The following SLC35E4 variants were observed in gnomAD, a reference collection of about 807,000 sequenced individuals.
SLC35E4 encodes the protein solute carrier family 35, member E4.
Under a neutral mutation model 19.3 loss-of-function variants are expected in SLC35E4, and 15 were observed. The observed-to-expected ratio is 0.78, with a 90% CI of 0.52 to 1.20. The LOEUF is 1.20. Ranked by LOEUF, SLC35E4 falls within the 50% of genes most tolerant of loss-of-function variation. The pLI, the probability that SLC35E4 is intolerant of heterozygous loss-of-function variation, is 0.00. For missense variants in SLC35E4, 406 were observed against 472.3 expected (o/e 0.86, Z 1.30); for synonymous variants, 219 against 219.9 (o/e 1.00, Z 0.04).
chr22:30,636,419 GC>G lies in SLC35E4; in HGVS notation c.-29del. 1 of 1,449,880 alleles carries G rather than the reference GC, an allele frequency of 6.9e-7. No individual in the cohort carries two copies. The allele number at this position is 1,449,880 out of a possible 1,614,324, so 89.8% of individuals were successfully genotyped here. On this transcript the variant is annotated 5_prime_UTR_variant, in exon 1 of 2. Transcript: ENST00000343605. The stretch of plus-strand genomic sequence containing the variant: ...GTGGCCCAGAGGTCGTCACTGGGGA[GC>G]CCGCCTCCTGCCCTAGCCTCACTGG...
intron 2 of SLC35E4, among the ~76,000 whole-genome samples, chr22:30,656,311 G>C (rs1322939547): frequency 6.6e-6 from 1 of 152,080 alleles, no homozygotes; most frequent in Non-Finnish European, 1.5e-5. Flanking sequence ...CCCAGGATAG[G>C]AAAGCAGGGC....
chr22:30,638,162 C>G (rs141255493), intron 1 of SLC35E4, among the ~76,000 whole-genome samples: 1 of 151,064 alleles, frequency 6.6e-6, no homozygotes, highest in Non-Finnish European at 1.5e-5. Context: ...ACCAGGAGTT[C>G]GAGACCACCC....
At chr22:30,646,263 C>T (rs1281981681) in intron 1 of SLC35E4, among the ~76,000 whole-genome samples, 2 of 152,172 alleles carry the variant, frequency 1.3e-5, no homozygotes, top group East Asian at 1.9e-4. Context: ...GAGCATTTCC[C>T]ATTTAAGGGC....
chr22:30,646,784 AC>A lies in SLC35E4; in HGVS notation c.808del (p.Leu270TrpfsTer119). On this transcript the variant is annotated frameshift_variant, in exon 2 of 2. Coordinates refer to ENST00000343605, the MANE Select transcript of SLC35E4 (RefSeq NM_001001479.4). LOFTEE classifies it high-confidence loss of function. ...LLSCLLSVLY[N>X]LASFSLLALT... is the part of the protein sequence containing the mutation. Reference sequence around the variant, plus strand: ...AGCTGCCTCCTGTCTGTTCTCTATAACCTGGCCAGCTTCTCCCTGCTGGCCC... The same window carrying A: ...AGCTGCCTCCTGTCTGTTCTCTATAACTGGCCAGCTTCTCCCTGCTGGCCC... 1 of 1,613,880 alleles carries A rather than the reference AC, an allele frequency of 6.2e-7. No homozygotes were observed. The highest frequency in any genetic ancestry group is 1.3e-5 in the African/African-American group (1 of 74,924).
downstream of SLC35E4, among the ~76,000 whole-genome samples, chr22:30,651,473 T>G (rs2088222182): frequency 7.9e-6 from 1 of 126,106 alleles, no homozygotes; most frequent in African/African-American, 3.0e-5. Context: ...AGAGATGGGG[T>G]TTCACCATGT....
chr22:30,651,393 GTGTGTGTATATATATATATA>G (rs1475976619), downstream of SLC35E4, among the ~76,000 whole-genome samples: 2 of 49,368 alleles, frequency 4.1e-5, no homozygotes, highest in African/African-American at 2.7e-4. Flanking sequence ...GTGTGTGTGT[GTGTGTGTATATATATATATA>G]TATATATATA....
At chr22:30,663,580 G>A (rs763517501), downstream of SLC35E4, 41 of 1,614,076 alleles carry the variant, frequency 2.5e-5, no homozygotes, top group Non-Finnish European at 3.0e-5. Flanking sequence ...CTGTTGGGTC[G>A]GATGATGGGC....
Position 30,636,376 on chromosome 22 carries a change from C to A in SLC35E4, c.-75C>A. On this transcript the variant is annotated 5_prime_UTR_variant, in exon 1 of 2. Transcript: ENST00000343605. ...CGGAGGAACCAGGATCTAGCCTGGC[C>A]CCAAGCGGAACTCTCTGGTGGCCCA... The A allele has an allele frequency of 7.0e-7, 1 of 1,432,536 alleles. No homozygotes were observed. Among genetic ancestry groups the A allele is most frequent in the Non-Finnish European group, 9.1e-7 (1 of 1,094,618 alleles). The allele number at this position is 1,432,536 out of a possible 1,614,324, so 88.7% of individuals were successfully genotyped here. A position where few individuals can be genotyped will look rare whatever the true frequency, so the allele number is the denominator to read the frequency against.
chr22:30,644,523 T>C (rs947283144), intron 1 of SLC35E4, among the ~76,000 whole-genome samples: 4 of 152,138 alleles, frequency 2.6e-5, no homozygotes, highest in African/African-American at 7.2e-5. Context: ...AGCAGATTGC[T>C]TGAGTCTAGG....
intron 2 of SLC35E4, chr22:30,654,583 G>T (rs1350812625): frequency 6.5e-6 from 3 of 459,666 alleles, no homozygotes; most frequent in Admixed American, 2.4e-5. Context: ...TGCGGCTGGG[G>T]ACCCGGAAGT....
chr22:30,651,421 ATATATATTTTTTTTTTTTTTTT>A (rs2088216399), downstream of SLC35E4, among the ~76,000 whole-genome samples: 4 of 53,248 alleles, frequency 7.5e-5, no homozygotes, highest in East Asian at 7.7e-4. Context: ...ATATATATAT[ATATATATTTTTTTTTTTTTTTT>A]TTTTTTTTTT....
At chr22:30,664,385 GGGGT>G (rs2088578481), downstream of SLC35E4, among the ~76,000 whole-genome samples, 1 of 152,216 alleles carries the variant, frequency 6.6e-6, no homozygotes, top group Non-Finnish European at 1.5e-5. Flanking sequence ...CCTCCCTTGA[GGGGT>G]CCCACAGCTC....
intron 2 of SLC35E4, among the ~76,000 whole-genome samples, chr22:30,653,624 T>C (rs865880149): frequency 4.0e-5 from 6 of 149,922 alleles, no homozygotes; most frequent in Admixed American, 2.7e-4. Context: ...CCGCCCCCCC[T>C]CGGCCTCCCA....
At chr22:30,664,360 G>A (rs1329109969), downstream of SLC35E4, among the ~76,000 whole-genome samples, 3 of 152,228 alleles carry the variant, frequency 2.0e-5, no homozygotes, top group Non-Finnish European at 4.4e-5. Flanking sequence ...AAGTCCCCAA[G>A]TCTGGCACTT....
chr22:30,656,839 G>T lies in SLC35E4; in HGVS notation c.*9-5221G>T, dbSNP rs142336367. Among the ~76,000 whole-genome samples the T allele has an allele frequency of 1.6e-3, 251 of 152,304 alleles. 1 individual carries two copies. The highest frequency in any genetic ancestry group is 5.9e-3 in the African/African-American group (244 of 41,570). On this transcript the variant is annotated intron_variant, in intron 2 of 2. Coordinates refer to the SLC35E4 transcript ENST00000406566. ...AGAGTTAAAAAGGAGGAATGGCTTG[G>T]CCCAGTGGCTCATGCCTGTAATCAC...
At chr22:30,655,429 C>CAA (rs5844917) in intron 2 of SLC35E4, among the ~76,000 whole-genome samples, 5 of 111,672 alleles carry the variant, frequency 4.5e-5, no homozygotes, top group African/African-American at 1.8e-4. Flanking sequence ...GAGATCCTAC[C>CAA]AAAAAAAAAA....
At position 30,660,669 on chromosome 22, in the gene SLC35E4, C is replaced by T. The variant is rs550953732; in HGVS notation, c.*9-1391C>T. Among the ~76,000 whole-genome samples the T allele has an allele frequency of 6.6e-5, 10 of 151,980 alleles. No homozygotes were observed. In the South Asian group the frequency reaches 1.5e-3, roughly 22 times the overall value. On this transcript the variant is annotated intron_variant, in intron 2 of 2. Transcript: ENST00000406566. The stretch of plus-strand genomic sequence containing the variant: ...CTCTGTGAACTCTGATAAGGATAAC[C>T]GAAAGAAATCCATGTCCATATACAT...
Position 30,646,639 on chromosome 22 carries a change from C to T in SLC35E4, c.661C>T (p.Leu221Phe). The change falls in exon 2 of 2, where the codon CTT (leucine) becomes TTT (phenylalanine). Residue 221 changes from leucine (L) to phenylalanine (F), a missense_variant. Leu to Phe is a conservative substitution (Grantham distance 22). Coordinates refer to ENST00000343605, the MANE Select transcript of SLC35E4 (RefSeq NM_001001479.4). Reference protein sequence around the residue: ...QEERLDAVTLLYATSLPSFCL... With the variant: ...QEERLDAVTLFYATSLPSFCL... ...GGAGAGGCTGGACGCGGTGACCCTG[C>T]TTTACGCCACCTCGCTGCCCAGCTT... is the stretch of plus-strand genomic sequence containing the variant. 1 of 1,611,326 alleles carries T rather than the reference C, an allele frequency of 6.2e-7. No individual in the cohort carries two copies.
At position 30,647,025 on chromosome 22, in the gene SLC35E4, T is replaced by C; in HGVS notation, c.1047T>C (p.Gly349=). The change falls in exon 2 of 2, where the codon GGT becomes GGC. Residue 349 remains glycine, a synonymous_variant. Transcript: ENST00000343605. ...GGCGGAGGGACCAGCCCAGCAAGGG[T>C]CTTTGAGACCTGGGGGATCTCAGGA... The part of the protein sequence containing the change: ...GLWRRDQPSK[G]L 1 of 1,596,380 alleles carries C rather than the reference T, an allele frequency of 6.3e-7. No individual in the cohort carries two copies. Among genetic ancestry groups the C allele is most frequent in the Admixed American group, 1.7e-5 (1 of 59,152 alleles).
Sources: allele counts gnomAD v4.1 joint callset (sites outside exome capture counted in the v4.1 genomes callset), GRCh38; gene constraint gnomAD v4.1.1; transcripts MANE v1.5; gene names NCBI Gene and HGNC (gene_info 2026-07-23, HGNC 2026-07-21).